Variants in GAB2 observed in about 807,000 individuals in gnomAD.
The protein encoded by GAB2 is GRB2 associated binding protein 2, also known as GRB2-associated-binding protein 2.
GAB2 carries 26 observed loss-of-function variants against 65.5 expected under a neutral mutation model. The ratio of observed to expected loss-of-function variants is 0.40; its 90% CI spans 0.29 to 0.55. The LOEUF is 0.55. Ranked by LOEUF, GAB2 falls within the 20% of genes least tolerant of loss-of-function variation. The pLI is 0.53. For synonymous variants in GAB2, 321 were observed against 329.6 expected (o/e 0.97, Z 0.28); for missense variants, 884 against 875.8 (o/e 1.01, Z -0.12).
chr11:78,222,433 T>G (rs1022006717), intron 6 of GAB2, among the ~76,000 whole-genome samples: 1 of 151,782 alleles, frequency 6.6e-6, no homozygotes, highest in African/African-American at 2.4e-5. Context: ...AATTATATTT[T>G]CAGAATCAAA....
At position 78,382,387 on chromosome 11, in the gene GAB2, T is replaced by A. The variant is rs982706825; in HGVS notation, c.75+35259A>T. Among the ~76,000 whole-genome samples, 184 of 151,768 alleles carry A rather than the reference T, an allele frequency of 1.2e-3. 1 individual carries two copies. The highest frequency in any genetic ancestry group is 4.3e-3 in the African/African-American group (178 of 41,394). On this transcript the variant is annotated intron_variant, in intron 1 of 9. Coordinates refer to ENST00000361507, the MANE Select transcript of GAB2 (RefSeq NM_080491.3). ...AATATTCTTTTTTTTATTATTATTT[T>A]TTTTTTTTTGAGACAGAGTCTCGCT...
intron 1 of GAB2, among the ~76,000 whole-genome samples, chr11:78,383,968 G>C (rs1235044323): frequency 6.6e-6 from 1 of 152,160 alleles, no homozygotes; most frequent in Non-Finnish European, 1.5e-5. Context: ...CAGGAGCAGA[G>C]AGCTTCACTG....
chr11:78,291,591 C>T (rs1321440845), intron 1 of GAB2, among the ~76,000 whole-genome samples: 11 of 30,772 alleles, frequency 3.6e-4, no homozygotes, highest in Non-Finnish European at 6.4e-4. Flanking sequence ...TTTTTTTTTG[C>T]GACAGGGTCT....
intron 2 of GAB2, among the ~76,000 whole-genome samples, chr11:78,250,751 T>A (rs1401927914): frequency 1.3e-5 from 2 of 152,148 alleles, no homozygotes; most frequent in African/African-American, 4.8e-5. Flanking sequence ...ACCTTCCCAC[T>A]CTTTGGTGGC....
At chr11:78,312,172 G>A (rs2134645803) in intron 1 of GAB2, among the ~76,000 whole-genome samples, 2 of 146,826 alleles carry the variant, frequency 1.4e-5, no homozygotes, top group Non-Finnish European at 3.0e-5. Context: ...GAGCCAGCAT[G>A]ACCTGTGGAG....
intron 1 of GAB2, among the ~76,000 whole-genome samples, chr11:78,395,465 C>T (rs983641625): frequency 6.6e-6 from 1 of 152,126 alleles, no homozygotes; most frequent in Non-Finnish European, 1.5e-5. Context: ...AACAAACCAA[C>T]CAAGTCTACC....
chr11:78,252,246 C>G (rs980520792), intron 2 of GAB2, among the ~76,000 whole-genome samples: 1 of 152,346 alleles, frequency 6.6e-6, no homozygotes, highest in East Asian at 1.9e-4. Context: ...CAGTGTACAA[C>G]AGAAAAAGCT....
rs1046533521 is a variant in GAB2 at position 78,226,738 on chromosome 11, C to T, written c.934G>A (p.Asp312Asn). Residue 312 changes from aspartate (D) to asparagine (N), a missense_variant, in exon 4 of 10, where the codon GAC (aspartate) becomes AAC (asparagine). By Grantham distance (23) the Asp-to-Asn change is conservative. Transcript: ENST00000361507. ...GGGGTGGCCGGAACATCCATATTGT[C>T]TACCAGGAGGTCCCCGAACTCCCTG... ...LCREFGDLLVDNMDVPATPLS... is the reference protein window; with the variant it reads ...LCREFGDLLVNNMDVPATPLS... 1.2e-6 allele frequency: 2 copies of T among 1,614,046 alleles called. No homozygotes were observed. The highest frequency in any genetic ancestry group is 2.7e-5 in the African/African-American group (2 of 75,004).
intron 1 of GAB2, among the ~76,000 whole-genome samples, chr11:78,324,357 A>C (rs1011396463): frequency 6.6e-6 from 1 of 152,150 alleles, no homozygotes; most frequent in Admixed American, 6.5e-5. Context: ...ATAATTCAGG[A>C]GACTTACACA....
chr11:78,357,654 A>G (rs1357700265), intron 1 of GAB2, among the ~76,000 whole-genome samples: 1 of 152,228 alleles, frequency 6.6e-6, no homozygotes, highest in Admixed American at 6.5e-5. Context: ...GCCAACAGAC[A>G]CTTCTCAAAA....
chr11:78,410,742 A>C (rs1216706532), intron 1 of GAB2, among the ~76,000 whole-genome samples: 1 of 152,246 alleles, frequency 6.6e-6, no homozygotes, highest in Non-Finnish European at 1.5e-5. Flanking sequence ...GTATCTATTA[A>C]AGAAATTGGA....
At chr11:78,285,697 C>A (rs1429426858) in intron 1 of GAB2, among the ~76,000 whole-genome samples, 6 of 152,126 alleles carry the variant, frequency 3.9e-5, no homozygotes. Flanking sequence ...GAACTCCTAA[C>A]CTTAATTGAT....
chr11:78,345,445 G>A (rs1856165287), intron 1 of GAB2, among the ~76,000 whole-genome samples: 1 of 152,176 alleles, frequency 6.6e-6, no homozygotes, highest in Admixed American at 6.5e-5. Flanking sequence ...GTGGTAAAAG[G>A]AAGTCAGGTG....
chr11:78,358,471 T>C (rs57695700), intron 1 of GAB2, among the ~76,000 whole-genome samples: 6,964 of 136,982 alleles, frequency 0.051, 532 homozygotes, highest in African/African-American at 0.17. Context: ...ATAATAATAA[T>C]AATAAAGTGA....
rs534814220 is a variant in GAB2, at chr11:78,383,581, C to CAAAAAAAAAAAAAA, written c.75+34051_75+34064dup. On this transcript the variant is annotated intron_variant, in intron 1 of 9. Transcript: ENST00000361507. ...GCAACATGGCAAAACCCTGTCTCTC[C>CAAAAAAAAAAAAAA]AAAAAAAAAAAAAAAAAAATACAAA... Among the ~76,000 whole-genome samples, 195 of 55,450 alleles carry CAAAAAAAAAAAAAA rather than the reference C, an allele frequency of 3.5e-3. 4 individuals carry two copies. The highest frequency in any genetic ancestry group is 6.1e-3 in the African/African-American group (94 of 15,536). 36.4% of individuals were successfully genotyped at this position (55,450 alleles called of 152,430 possible). A position where few individuals can be genotyped will look rare whatever the true frequency, so the allele number is the denominator to read the frequency against.
intron 3 of GAB2, among the ~76,000 whole-genome samples, chr11:78,242,340 A>G (rs764972125): frequency 6.6e-6 from 1 of 152,114 alleles, no homozygotes; most frequent in Non-Finnish European, 1.5e-5. Context: ...ATCTCTACTA[A>G]AAATACAAAA....
At chr11:78,351,587 C>T (rs1051606565) in intron 1 of GAB2, among the ~76,000 whole-genome samples, 2 of 152,300 alleles carry the variant, frequency 1.3e-5, no homozygotes, top group South Asian at 2.1e-4. Flanking sequence ...CTTCAATAAT[C>T]TCATTAACTC....
At chr11:78,273,148 G>A (rs1866063684) in intron 2 of GAB2, among the ~76,000 whole-genome samples, 2 of 152,268 alleles carry the variant, frequency 1.3e-5, no homozygotes, top group Admixed American at 1.3e-4. Flanking sequence ...TGTGGGGTCA[G>A]AGCCCCCACA....
At chr11:78,328,739 G>GA (rs1053534153) in intron 1 of GAB2, among the ~76,000 whole-genome samples, 4 of 101,098 alleles carry the variant, frequency 4.0e-5, no homozygotes, top group African/African-American at 7.6e-5. Flanking sequence ...ATCTATGGTA[G>GA]AAAAAAAATC....
Sources: gnomAD v4.1 joint callset for allele counts (sites outside exome capture counted in the v4.1 genomes callset) on GRCh38, gnomAD v4.1.1 for gene constraint, MANE v1.5 for transcripts, NCBI Gene and HGNC (gene_info 2026-07-23, HGNC 2026-07-21) for gene names.